Variants in CBFB observed in about 807,000 individuals in gnomAD.
CBFB encodes the protein CBF-beta.
CBFB carries 9 observed loss-of-function variants against 30.4 expected under a neutral mutation model. The ratio of observed to expected loss-of-function variants is 0.30; its 90% CI spans 0.18 to 0.52. The LOEUF (loss-of-function observed/expected upper bound fraction) is 0.52, where lower values mean the gene tolerates loss of function less well. CBFB is among the 20% of genes least tolerant of loss of function. The probability of loss-of-function intolerance (pLI) is 0.97; values close to 1 mark genes in which losing one functional copy is unlikely to be tolerated. For missense variants in CBFB, 170 were observed against 244.0 expected (o/e 0.70, Z 2.02); for synonymous variants, 94 against 84.0 (o/e 1.12, Z -0.65).
chr16:67,087,617 A>G (rs1453417012), intron 5 of CBFB, among the ~76,000 whole-genome samples: 1 of 152,214 alleles, frequency 6.6e-6, no homozygotes. Context: ...AAAATGTTGG[A>G]AGAATATTTT....
intron 3 of CBFB, among the ~76,000 whole-genome samples, chr16:67,041,791 AAGAG>A (rs1367659760): frequency 5.1e-5 from 5 of 97,414 alleles, no homozygotes; most frequent in African/African-American, 1.9e-4. Flanking sequence ...TTTTTTTTTT[AAGAG>A]AGAGGGTCTC....
chr16:67,083,341 G>T (rs998755413), intron 5 of CBFB, among the ~76,000 whole-genome samples: 27 of 151,354 alleles, frequency 1.8e-4, no homozygotes, highest in African/African-American at 6.6e-4. Flanking sequence ...TGTCGCCCAG[G>T]CTGGAGTACA....
At chr16:67,071,172 A>G (rs1240590486) in intron 4 of CBFB, among the ~76,000 whole-genome samples, 2 of 152,164 alleles carry the variant, frequency 1.3e-5, no homozygotes, top group Non-Finnish European at 2.9e-5. Flanking sequence ...TAAAGAAGCA[A>G]TGAAATGTAG....
At chr16:67,039,213 G>A (rs1966491470) in intron 3 of CBFB, among the ~76,000 whole-genome samples, 1 of 152,100 alleles carries the variant, frequency 6.6e-6, no homozygotes, top group Non-Finnish European at 1.5e-5. Context: ...AACCTGTACT[G>A]TACAGCATGT....
intron 3 of CBFB, among the ~76,000 whole-genome samples, chr16:67,052,515 G>A (rs1453883524): frequency 2.6e-5 from 4 of 151,318 alleles, no homozygotes; most frequent in African/African-American, 7.3e-5. Flanking sequence ...GTTCAAGGCT[G>A]TAGTGAGCTG....
rs1357548380 is a variant in CBFB, at chr16:67,029,357, G to C, written c.-51G>C. 7.5e-7 allele frequency: 1 copy of C among 1,328,890 alleles called. No homozygotes were observed. Among genetic ancestry groups the C allele is most frequent in the Non-Finnish European group, 9.9e-7 (1 of 1,008,684 alleles). The allele number at this position is 1,328,890 out of a possible 1,614,324, so 82.3% of individuals were successfully genotyped here. On this transcript the variant is annotated 5_prime_UTR_variant, in exon 1 of 6. Coordinates refer to ENST00000412916, the MANE Select transcript of CBFB (RefSeq NM_022845.3). ...GTCAGCGCGGAGCCAGCCAGCGGGT[G>C]CCCGCGCAAGCCCCGAGCGCGGCCG...
At chr16:67,089,338 C>G (rs7189339) in intron 5 of CBFB, among the ~76,000 whole-genome samples, 36,610 of 152,058 alleles carry the variant, frequency 0.24, 9,273 homozygotes, top group African/African-American at 0.65. Context: ...AGTAGAATAT[C>G]TAAGAAACTG....
intron 5 of CBFB, among the ~76,000 whole-genome samples, chr16:67,087,038 TGGAGGAGTAA>T (rs1341831362): frequency 1.3e-5 from 2 of 151,974 alleles, no homozygotes; most frequent in African/African-American, 2.4e-5. Flanking sequence ...TGCAAAGGCA[TGGAGGAGTAA>T]GGAGGAGTAA....
chr16:67,065,634 T>C (rs1165006418), intron 3 of CBFB, among the ~76,000 whole-genome samples: 1 of 152,216 alleles, frequency 6.6e-6, no homozygotes, highest in Non-Finnish European at 1.5e-5. Flanking sequence ...CACCTTGGCC[T>C]CCCAAAGTAC....
intron 5 of CBFB, among the ~76,000 whole-genome samples, chr16:67,085,130 G>A (rs1034131513): frequency 9.9e-5 from 15 of 151,960 alleles, no homozygotes; most frequent in African/African-American, 3.1e-4. Flanking sequence ...GGTGGTTAGT[G>A]TATGAAATAA....
intron 5 of CBFB, among the ~76,000 whole-genome samples, chr16:67,093,163 CT>C (rs1961946262): frequency 6.6e-6 from 1 of 152,096 alleles, no homozygotes; most frequent in Non-Finnish European, 1.5e-5. Context: ...TCAGGCTGGT[CT>C]TGAACTTCTG....
chr16:67,071,006 TTAC>T (rs1278376846), intron 4 of CBFB, among the ~76,000 whole-genome samples: 2 of 152,194 alleles, frequency 1.3e-5, no homozygotes, highest in African/African-American at 2.4e-5. Context: ...TTGTGATAGT[TTAC>T]TACTATCACA....
At chr16:67,048,727 A>AT (rs1210163534) in intron 3 of CBFB, among the ~76,000 whole-genome samples, 3 of 129,686 alleles carry the variant, frequency 2.3e-5, no homozygotes, top group Admixed American at 7.8e-5. Flanking sequence ...ATTTTTTTGT[A>AT]TTTTTTTAGT....
intron 1 of CBFB, 103 bp from the exon 2 acceptor site, chr16:67,029,624 G>T (rs1966296277): frequency 7.5e-7 from 1 of 1,324,634 alleles, no homozygotes; most frequent in African/African-American, 1.5e-5. Flanking sequence ...GGCGGCCATC[G>T]CCCGCAGCCT....
rs1350081594 is a variant in CBFB at position 67,099,366 on chromosome 16, TAC to T, written c.*590_*591del. 14 of 222,700 alleles carry T rather than the reference TAC, an allele frequency of 6.3e-5. No individual in the cohort carries two copies. The East Asian group carries it at 8.5e-4, about 13-fold the overall frequency. 13.8% of individuals were successfully genotyped at this position (222,700 alleles called of 1,614,324 possible). On this transcript the variant is annotated 3_prime_UTR_variant, in exon 6 of 6. Coordinates refer to ENST00000412916, the MANE Select transcript of CBFB (RefSeq NM_022845.3). Reference sequence around the variant, plus strand: ...TCTGCCACAGCCTTCTGACAAAGTTTACAGTTATTAAAGTTGCAGTATCCTTT... The same window carrying T: ...TCTGCCACAGCCTTCTGACAAAGTTTAGTTATTAAAGTTGCAGTATCCTTT...
At chr16:67,055,292 ATG>A (rs1235704076) in intron 3 of CBFB, among the ~76,000 whole-genome samples, 1 of 148,272 alleles carries the variant, frequency 6.7e-6, no homozygotes, top group African/African-American at 2.5e-5. Context: ...TTTATTGAAT[ATG>A]TATTTATATG....
intron 5 of CBFB, among the ~76,000 whole-genome samples, chr16:67,091,767 C>G (rs776897524): frequency 6.6e-6 from 1 of 152,088 alleles, no homozygotes; most frequent in Non-Finnish European, 1.5e-5. Context: ...TTCTGTGATA[C>G]ATGCGCAGAA....
Position 67,100,293 on chromosome 16 carries a change from A to T in CBFB, c.*1515A>T. 4.5e-6 allele frequency: 1 copy of T among 222,070 alleles called. No homozygotes were observed. Among genetic ancestry groups the T allele is most frequent in the Non-Finnish European group, 9.0e-6 (1 of 110,802 alleles). The allele number at this position is 222,070 out of a possible 1,614,324, so 13.8% of individuals were successfully genotyped here. A position where few individuals can be genotyped will look rare whatever the true frequency, so the allele number is the denominator to read the frequency against. On this transcript the variant is annotated 3_prime_UTR_variant, in exon 6 of 6. Transcript: ENST00000412916. Reference sequence around the variant, plus strand: ...TTGCATTTAAAAAGCATATAACTGTACTTGACTGATGAGGGAGGTGTTACT... The same window carrying T: ...TTGCATTTAAAAAGCATATAACTGTTCTTGACTGATGAGGGAGGTGTTACT...
chr16:67,042,575 G>C (rs773819265), intron 3 of CBFB, among the ~76,000 whole-genome samples: 14 of 152,200 alleles, frequency 9.2e-5, no homozygotes, highest in Middle Eastern at 3.4e-3. Flanking sequence ...GGGTGGTTCT[G>C]CCTCAGTGTC....
Sources: gnomAD v4.1 joint callset for allele counts (sites outside exome capture counted in the v4.1 genomes callset) on GRCh38, gnomAD v4.1.1 for gene constraint, MANE v1.5 for transcripts, NCBI Gene and HGNC (gene_info 2026-07-23, HGNC 2026-07-21) for gene names.